Variants in LONP2 observed in about 807,000 individuals in gnomAD.
LONP2 encodes lon peptidase 2, peroxisomal.
In LONP2, 60 loss-of-function variants were observed where a neutral mutation model predicts 85.6. The observed-to-expected ratio is 0.70, with a 90% CI of 0.57 to 0.87. LONP2 has a LOEUF of 0.87. LONP2 is among the 40% of genes least tolerant of loss of function. LONP2 has a pLI of 0.00. For missense variants in LONP2, 860 were observed against 1,063.5 expected (o/e 0.81, Z 2.66); for synonymous variants, 395 against 389.7 (o/e 1.01, Z -0.16).
chr16:48,332,690 G>A (rs1187478996), intron 11 of LONP2, among the ~76,000 whole-genome samples: 2 of 151,268 alleles, frequency 1.3e-5, no homozygotes, highest in Non-Finnish European at 2.9e-5. Context: ...CCGCCTGGGT[G>A]ACACAGCGAG....
intron 7 of LONP2, among the ~76,000 whole-genome samples, chr16:48,270,936 G>A (rs895602526): frequency 3.3e-5 from 5 of 152,076 alleles, no homozygotes; most frequent in Admixed American, 6.6e-5. Flanking sequence ...GAGACCAGCC[G>A]GGGCAACATA....
At chr16:48,303,522 A>G (rs1271566967) in intron 11 of LONP2, among the ~76,000 whole-genome samples, 1 of 152,226 alleles carries the variant, frequency 6.6e-6, no homozygotes, top group Non-Finnish European at 1.5e-5. Flanking sequence ...TGGAATAATA[A>G]TATGAATGCT....
chr16:48,258,985 A>G (rs902289314), intron 4 of LONP2, among the ~76,000 whole-genome samples: 7 of 152,148 alleles, frequency 4.6e-5, no homozygotes, highest in South Asian at 2.1e-4. Context: ...GTTGTTTCCA[A>G]TGTTTTGTGT....
chr16:48,244,782 G>A (rs1971257695), intron 1 of LONP2, among the ~76,000 whole-genome samples, 161 bp downstream of exon 1: 1 of 152,212 alleles, frequency 6.6e-6, no homozygotes, highest in Non-Finnish European at 1.5e-5. Flanking sequence ...GGGGATGTCA[G>A]ATACCTGCCC....
At position 48,343,049 on chromosome 16, in the gene LONP2, C is replaced by T. The variant is rs371270840; in HGVS notation, c.1939-4458C>T. On this transcript the variant is annotated intron_variant, in intron 12 of 14. Transcript: ENST00000285737. ...CTCTCCTGTGACACCTGTGTCTTCT[C>T]TCCAAACAGGGAGGGACGCTTGCCT... Among the ~76,000 whole-genome samples, 11 of 152,322 alleles carry T rather than the reference C, an allele frequency of 7.2e-5. No individual in the cohort carries two copies. The East Asian group carries it at 1.4e-3, about 19-fold the overall frequency.
At chr16:48,257,370 T>C (rs1315540453) in intron 3 of LONP2, among the ~76,000 whole-genome samples, 1 of 152,142 alleles carries the variant, frequency 6.6e-6, no homozygotes, top group East Asian at 1.9e-4. Context: ...TGATTCACTA[T>C]TTTTAAACGT....
At chr16:48,362,233 G>A, downstream of LONP2, 2 of 1,614,162 alleles carry the variant, frequency 1.2e-6, no homozygotes, top group Non-Finnish European at 1.7e-6. The surrounding 1 kb of genome is among the most constrained non-coding windows in gnomAD (Gnocchi z 4.2). Flanking sequence ...AGCTTTGGGC[G>A]ACAGTTGCTA....
At chr16:48,274,396 G>T (rs375360339) in intron 7 of LONP2, among the ~76,000 whole-genome samples, 7 of 151,984 alleles carry the variant, frequency 4.6e-5, no homozygotes, top group Non-Finnish European at 5.9e-5. Context: ...TGTGGTGAGC[G>T]CTCTCTGGGT....
intron 8 of LONP2, among the ~76,000 whole-genome samples, chr16:48,284,190 G>T (rs1338366320): frequency 6.6e-6 from 1 of 152,150 alleles, no homozygotes; most frequent in South Asian, 2.1e-4. Context: ...ATCTAGTCCT[G>T]GTGAGGATGC....
intron 11 of LONP2, among the ~76,000 whole-genome samples, chr16:48,308,887 T>C (rs1322252455): frequency 6.6e-6 from 1 of 151,902 alleles, no homozygotes; most frequent in African/African-American, 2.4e-5. Context: ...GCAAAAATAT[T>C]TGCAAAATAC....
intron 11 of LONP2, among the ~76,000 whole-genome samples, chr16:48,328,827 A>C (rs1959340468): frequency 6.9e-6 from 1 of 143,998 alleles, no homozygotes; most frequent in Admixed American, 6.9e-5. Flanking sequence ...CCTCTGTCTC[A>C]AAAAAAAAAG....
intron 6 of LONP2, among the ~76,000 whole-genome samples, chr16:48,264,347 G>A (rs1400984832): frequency 1.3e-5 from 2 of 152,146 alleles, no homozygotes; most frequent in African/African-American, 2.4e-5. Flanking sequence ...CCCTAGGTGC[G>A]CATTCTGTTT....
intron 8 of LONP2, among the ~76,000 whole-genome samples, chr16:48,284,704 A>C (rs908651983): frequency 2.0e-5 from 3 of 152,226 alleles, no homozygotes; most frequent in Non-Finnish European, 4.4e-5. Context: ...ACAAAAAAAA[A>C]CATACATGTG....
At chr16:48,301,832 T>C (rs571062708) in intron 10 of LONP2, among the ~76,000 whole-genome samples, 2 of 152,352 alleles carry the variant, frequency 1.3e-5, no homozygotes, top group South Asian at 2.1e-4. Flanking sequence ...GATAAAATAC[T>C]ATCAGGTGCT....
chr16:48,294,796 C>T (rs1199578540), intron 8 of LONP2, among the ~76,000 whole-genome samples: 2 of 152,088 alleles, frequency 1.3e-5, no homozygotes, highest in South Asian at 2.1e-4. Context: ...ATAAGTAAAA[C>T]TTCAGAAAGA....
intron 6 of LONP2, among the ~76,000 whole-genome samples, chr16:48,269,331 G>A (rs1298848956): frequency 6.6e-6 from 1 of 151,660 alleles, no homozygotes; most frequent in African/African-American, 2.4e-5. Flanking sequence ...GTAAAGATGT[G>A]TAAACAACTT....
chr16:48,361,947 T>G, downstream of LONP2: 1 of 1,614,024 alleles, frequency 6.2e-7, no homozygotes, highest in African/African-American at 1.3e-5. Context: ...AACTATATCC[T>G]CTCCCTGTAG....
rs757112706 is a variant in LONP2, at chr16:48,303,201, T to C, written c.1691T>C (p.Leu564Pro). Residue 564 changes from leucine (L) to proline (P), a missense_variant, in exon 11 of 15, where the codon CTG becomes CCG. Around this residue, in one of 3 missense-constraint regions of LONP2, gnomAD observed 743 missense variants for 917.3 expected, o/e 0.81. Transcript: ENST00000285737. ...RYTREAGVRS[L>P]DRKLGAICRA... is the part of the protein sequence containing the mutation. ...ACCAGAGAGGCAGGGGTTCGTTCTC[T>C]GGATAGAAAACTTGGGGCCATTTGC... 6 of 1,614,194 alleles carry C rather than the reference T, an allele frequency of 3.7e-6. No homozygotes were observed. The highest frequency in any genetic ancestry group is 4.2e-6 in the Non-Finnish European group (5 of 1,180,026).
chr16:48,319,434 T>C (rs1281312243), intron 11 of LONP2, among the ~76,000 whole-genome samples: 3 of 152,152 alleles, frequency 2.0e-5, no homozygotes, highest in Non-Finnish European at 4.4e-5. Context: ...TAAATTCCTG[T>C]CTTTGTCTTC....
Sources: gnomAD v4.1 joint callset for allele counts (sites outside exome capture counted in the v4.1 genomes callset) on GRCh38, gnomAD v4.1.1 for gene constraint, gnomAD v4.1.1 regional missense constraint, Gnocchi (gnomAD v3.1) non-coding constraint, MANE v1.5 for transcripts, NCBI Gene and HGNC (gene_info 2026-07-23, HGNC 2026-07-21) for gene names.